Variants in CLOCK observed in about 807,000 individuals in gnomAD.
CLOCK encodes the protein clock circadian regulator, also known as circadian locomoter output cycles protein kaput.
A neutral mutation model predicts 118.4 loss-of-function variants in CLOCK; 43 were observed. That is an observed-to-expected ratio of 0.36 (90% confidence interval 0.28 to 0.47). CLOCK has a LOEUF of 0.47. Ranked by LOEUF, CLOCK falls within the 20% of genes least tolerant of loss-of-function variation. The probability of loss-of-function intolerance (pLI) is 1.00; values close to 1 mark genes in which losing one functional copy is unlikely to be tolerated. For missense variants in CLOCK, 846 were observed against 999.9 expected, an observed-to-expected ratio of 0.85 and a Z score of 2.08; for synonymous variants, 326 against 339.2, an observed-to-expected ratio of 0.96 and a Z score of 0.43.
At chr4:55,477,701 A>G (rs753436436) in intron 6 of CLOCK, among the ~76,000 whole-genome samples, 7 of 152,134 alleles carry the variant, frequency 4.6e-5, no homozygotes, top group Non-Finnish European at 7.4e-5. Context: ...CTGGTAGGTT[A>G]ATAGAGACAC....
Position 55,482,800 on chromosome 4 carries a change from T to C in CLOCK, c.-15A>G. On this transcript the variant is annotated 5_prime_UTR_variant, in exon 4 of 23. Coordinates refer to ENST00000513440, the MANE Select transcript of CLOCK (RefSeq NM_004898.4). ...GTAAACAACATAACATACTACGTTT[T>C]CGTCTTGTAGTAGACATTTGTACTT... 2 of 1,603,822 alleles carry C rather than the reference T, an allele frequency of 1.2e-6. No individual in the cohort carries two copies. The highest frequency in any genetic ancestry group is 1.7e-6 in the Non-Finnish European group (2 of 1,173,010).
intron 7 of CLOCK, among the ~76,000 whole-genome samples, chr4:55,473,323 C>T (rs957907585): frequency 6.6e-6 from 1 of 152,022 alleles, no homozygotes; most frequent in South Asian, 2.1e-4. Context: ...TTATGACACA[C>T]AGATACTAGT....
intron 2 of CLOCK, among the ~76,000 whole-genome samples, chr4:55,503,976 G>GGT (rs1198146276): frequency 8.4e-5 from 3 of 35,810 alleles, no homozygotes; most frequent in Non-Finnish European, 1.9e-4. Context: ...GGCAAAAAGA[G>GGT]GTAAAAAAAA....
chr4:55,535,136 T>C (rs1375845587), intron 1 of CLOCK, among the ~76,000 whole-genome samples: 1 of 150,974 alleles, frequency 6.6e-6, no homozygotes, highest in Non-Finnish European at 1.5e-5. Context: ...CCTCGCTATA[T>C]TGCCACTACA....
At chr4:55,456,076 TTG>T (rs1724901804) in intron 12 of CLOCK, 73 bp from the exon 13 acceptor site, 2 of 966,362 alleles carry the variant, frequency 2.1e-6, no homozygotes, top group Non-Finnish European at 3.0e-6. Flanking sequence ...GAAATAAACT[TTG>T]GGGGGGGGGC....
Position 55,453,727 on chromosome 4 carries a change from A to G in CLOCK, c.1080T>C (p.His360=). 1.2e-6 allele frequency: 2 copies of G among 1,611,034 alleles called. No homozygotes were observed. The highest frequency in any genetic ancestry group is 1.7e-6 in the Non-Finnish European group (2 of 1,177,914). The change falls in exon 14 of 23, where the codon CAT becomes CAC. Residue 360 remains histidine (H), a synonymous_variant. Coordinates refer to ENST00000513440, the MANE Select transcript of CLOCK (RefSeq NM_004898.4). ...TAAACTCTGGCCTTGAATTCCACTG[A>G]TGGTAAGTGATATAATAATGAGTCT... ...WLQTHYYITY[H]QWNSRPEFIV...
chr4:55,477,831 T>C (rs766491703), intron 6 of CLOCK, among the ~76,000 whole-genome samples: 13 of 151,938 alleles, frequency 8.6e-5, no homozygotes, highest in Non-Finnish European at 1.6e-4. Flanking sequence ...GAAGTTAGTT[T>C]CAGTTAGAAA....
intron 8 of CLOCK, among the ~76,000 whole-genome samples, chr4:55,466,129 T>C (rs1725722128): frequency 6.6e-6 from 1 of 152,096 alleles, no homozygotes; most frequent in South Asian, 2.1e-4. Context: ...CCATGTGTCA[T>C]GGGAGGGGCT....
chr4:55,496,692 C>T (rs1210820376), intron 2 of CLOCK, among the ~76,000 whole-genome samples: 1 of 152,138 alleles, frequency 6.6e-6, no homozygotes, highest in African/African-American at 2.4e-5. Flanking sequence ...TTATCACATT[C>T]CAAGACACCA....
At chr4:55,465,257 A>G (rs1313259213) in intron 8 of CLOCK, among the ~76,000 whole-genome samples, 1 of 152,218 alleles carries the variant, frequency 6.6e-6, no homozygotes, top group Non-Finnish European at 1.5e-5. Context: ...AAATGATTTA[A>G]TGTATGTAAA....
chr4:55,535,881 T>C (rs944065634), intron 1 of CLOCK, among the ~76,000 whole-genome samples: 2 of 152,016 alleles, frequency 1.3e-5, no homozygotes, highest in Non-Finnish European at 2.9e-5. Context: ...CCAGTATCTG[T>C]CTTTTCCCTG....
chr4:55,453,356 T>TTA, intron 14 of CLOCK: 1 of 503,392 alleles, frequency 2.0e-6, no homozygotes, highest in Non-Finnish European at 3.5e-6. Context: ...CACACAATAC[T>TTA]TAAATTAAGA....
intron 1 of CLOCK, among the ~76,000 whole-genome samples, chr4:55,511,439 T>C (rs1313610261): frequency 6.6e-6 from 1 of 152,210 alleles, no homozygotes; most frequent in Non-Finnish European, 1.5e-5. Flanking sequence ...AAAAAGACTT[T>C]AGAACATTAA....
At chr4:55,542,141 G>C (rs1731306869) in intron 1 of CLOCK, among the ~76,000 whole-genome samples, 1 of 150,108 alleles carries the variant, frequency 6.7e-6, no homozygotes, top group Non-Finnish European at 1.5e-5. Context: ...AGCAGTTTGA[G>C]ACCAGCCCGG....
intron 13 of CLOCK, among the ~76,000 whole-genome samples, chr4:55,455,462 A>T (rs1724857688): frequency 6.6e-6 from 1 of 152,208 alleles, no homozygotes; most frequent in South Asian, 2.1e-4. Context: ...TCCTGCTCTA[A>T]CAACAATAAT....
intron 8 of CLOCK, among the ~76,000 whole-genome samples, chr4:55,467,351 T>C (rs995906431): frequency 6.6e-6 from 1 of 152,212 alleles, no homozygotes; most frequent in African/African-American, 2.4e-5. Context: ...CTCCTCTGGA[T>C]GCAGAGATAA....
In CLOCK at chr4:55,448,827, T is replaced by C. The variant is rs750136332; in HGVS notation, c.1491A>G (p.Pro497=). 5.0e-6 allele frequency: 8 copies of C among 1,614,034 alleles called. No homozygotes were observed. Among genetic ancestry groups the C allele is most frequent in the East Asian group, 2.2e-5 (1 of 44,830 alleles). Residue 497 remains proline (P), a synonymous_variant, in exon 18 of 23, where the codon CCA becomes CCG. Transcript: ENST00000513440. ...SQSVGSSLTQ[P]VMSQATNLPI... ...GTAAATTTGTAGCTTGAGACATCAC[T>C]GGCTGTGTTAATGATGAACCAACAG...
intron 1 of CLOCK, among the ~76,000 whole-genome samples, chr4:55,527,521 A>C (rs1005729614): frequency 6.6e-6 from 1 of 152,040 alleles, no homozygotes; most frequent in Non-Finnish European, 1.5e-5. Context: ...TACCTTTTTT[A>C]AAAAAAGATT....
At chr4:55,438,031 G>A (rs1723028823) in intron 22 of CLOCK, among the ~76,000 whole-genome samples, 1 of 152,146 alleles carries the variant, frequency 6.6e-6, no homozygotes, top group Non-Finnish European at 1.5e-5. Context: ...GCAGGAAGTA[G>A]GCCACTCACT....
Sources: allele counts gnomAD v4.1 joint callset (sites outside exome capture counted in the v4.1 genomes callset), GRCh38; gene constraint gnomAD v4.1.1; transcripts MANE v1.5; gene names NCBI Gene and HGNC (gene_info 2026-07-23, HGNC 2026-07-21).